The following HTRA4 variants were observed in gnomAD, a reference collection of about 807,000 sequenced individuals.
The protein encoded by HTRA4 is serine protease HTRA4.
HTRA4 carries 46 observed loss-of-function variants against 49.1 expected under a neutral mutation model. That is an observed-to-expected ratio of 0.94 (90% confidence interval 0.74 to 1.20). The LOEUF (loss-of-function observed/expected upper bound fraction) is 1.20, where lower values mean the gene tolerates loss of function less well. Ranked by LOEUF, HTRA4 falls within the 50% of genes most tolerant of loss-of-function variation. The pLI, the probability that HTRA4 is intolerant of heterozygous loss-of-function variation, is 0.00. For synonymous variants in HTRA4, 261 were observed against 264.0 expected, an observed-to-expected ratio of 0.99 and a Z score of 0.11; for missense variants, 602 against 636.9, an observed-to-expected ratio of 0.95 and a Z score of 0.59.
At position 38,974,565 on chromosome 8, in the gene HTRA4, G is replaced by A. The variant is rs1421010634; in HGVS notation, c.302G>A (p.Gly101Glu). The A allele has an allele frequency of 1.4e-6, 2 of 1,411,992 alleles. No individual in the cohort carries two copies. The highest frequency in any genetic ancestry group is 1.5e-5 in the South Asian group (1 of 66,250). 87.5% of individuals were successfully genotyped at this position (1,411,992 alleles called of 1,614,324 possible). The change falls in exon 1 of 9, where the codon GGG becomes GAG. Residue 101 changes from glycine (G) to glutamate (E), a missense_variant. Coordinates refer to ENST00000302495, the MANE Select transcript of HTRA4 (RefSeq NM_153692.4). ...GLQCLQPLRP[G>E]FPSTCGCPTL... ...CAGTGCCTCCAGCCGCTGCGCCCCG[G>A]GTTCCCCAGCACCTGCGGTTGCCCG...
chr8:38,985,466 CTTT>C (rs1431396671), intron 8 of HTRA4, among the ~76,000 whole-genome samples: 1 of 152,102 alleles, frequency 6.6e-6, no homozygotes, highest in Non-Finnish European at 1.5e-5. Context: ...GTCTGTACTT[CTTT>C]ATTATCCCTT....
intron 4 of HTRA4, among the ~76,000 whole-genome samples, chr8:38,978,596 G>C (rs1384710603): frequency 6.6e-6 from 1 of 152,152 alleles, no homozygotes; most frequent in African/African-American, 2.4e-5. Flanking sequence ...GAATCACTGT[G>C]GGAGGAATGG....
intron 8 of HTRA4, among the ~76,000 whole-genome samples, chr8:38,984,789 T>C (rs1835465219): frequency 6.6e-6 from 1 of 151,958 alleles, no homozygotes; most frequent in Non-Finnish European, 1.5e-5. Flanking sequence ...CCAGGTGTGG[T>C]GGTTTGCACC....
intron 6 of HTRA4, 29 bp downstream of exon 6, chr8:38,981,796 TG>T: frequency 3.6e-6 from 5 of 1,405,242 alleles, no homozygotes; most frequent in Non-Finnish European, 5.0e-6. Context: ...TTTTTTTTTT[TG>T]GTTTCGTCTT....
At chr8:38,981,552 G>A in intron 5 of HTRA4, 101 bp from the exon 6 acceptor site, 1 of 772,106 alleles carries the variant, frequency 1.3e-6, no homozygotes, top group Non-Finnish European at 2.2e-6. Flanking sequence ...CCTGTTTTCT[G>A]ACCCTAAGTA....
At chr8:38,984,225 T>C (rs1835457970) in intron 8 of HTRA4, among the ~76,000 whole-genome samples, 2 of 151,618 alleles carry the variant, frequency 1.3e-5, no homozygotes, top group South Asian at 2.1e-4. Flanking sequence ...GGTCTCGAAC[T>C]CCTGACCTCA....
In HTRA4 at chr8:38,974,604, C is replaced by T. The variant is rs1292595133; in HGVS notation, c.341C>T (p.Ala114Val). 22 of 1,426,796 alleles carry T rather than the reference C, an allele frequency of 1.5e-5. No individual in the cohort carries two copies. The highest frequency in any genetic ancestry group is 3.0e-5 in the East Asian group (1 of 33,780). The allele number at this position is 1,426,796 out of a possible 1,614,324, so 88.4% of individuals were successfully genotyped here. The change falls in exon 1 of 9, where the codon GCC becomes GTC. Residue 114 changes from alanine (A) to valine (V), a missense_variant. By Grantham distance (64) the Ala-to-Val change is moderately conservative (BLOSUM62 0). Coordinates refer to ENST00000302495, the MANE Select transcript of HTRA4 (RefSeq NM_153692.4). ...TGCGGTTGCCCGACGCTGGGAGGGG[C>T]CGTGTGCGGCAGCGACAGGCGCACC... ...STCGCPTLGG[A>V]VCGSDRRTYP...
At chr8:38,987,469 C>CG (rs1442789359) in intron 8 of HTRA4, among the ~76,000 whole-genome samples, 13 of 1,786 alleles carry the variant, frequency 7.3e-3, no homozygotes, top group African/African-American at 0.051. Flanking sequence ...TAAGCTGGGG[C>CG]GGGGGGGTGG....
In HTRA4 at chr8:38,974,710, G is replaced by C; in HGVS notation, c.447G>C (p.Trp149Cys). The C allele has an allele frequency of 2.8e-6, 4 of 1,425,820 alleles. No individual in the cohort carries two copies. The highest frequency in any genetic ancestry group is 3.6e-6 in the Non-Finnish European group (4 of 1,099,628). 88.3% of individuals were successfully genotyped at this position (1,425,820 alleles called of 1,614,324 possible). A position where few individuals can be genotyped will look rare whatever the true frequency, so the allele number is the denominator to read the frequency against. ...AGGTCCCGGCCGTGCCTGTGCAGTG[G>C]GGGAACTGCGGGGATACAGGTGAGC... ...LGKVPAVPVQ[W>C]GNCGDTGTRS... Residue 149 changes from tryptophan (W) to cysteine (C), a missense_variant, in exon 1 of 9, where the codon TGG becomes TGC. Trp to Cys is a radical substitution (Grantham distance 215). Coordinates refer to ENST00000302495, the MANE Select transcript of HTRA4 (RefSeq NM_153692.4).
intron 6 of HTRA4, among the ~76,000 whole-genome samples, chr8:38,982,213 T>C (rs572112726): frequency 6.6e-6 from 1 of 152,208 alleles, no homozygotes; most frequent in East Asian, 1.9e-4. Flanking sequence ...CCTATAATGG[T>C]GATTTGAGCA....
Position 38,974,563 on chromosome 8 carries a change from C to A in HTRA4, c.300C>A (p.Pro100=), listed in dbSNP as rs1564173169. The A allele has an allele frequency of 1.4e-6, 2 of 1,406,162 alleles. No homozygotes were observed. Among genetic ancestry groups the A allele is most frequent in the Middle Eastern group, 2.5e-4 (1 of 4,000 alleles). 87.1% of individuals were successfully genotyped at this position (1,406,162 alleles called of 1,614,324 possible). Residue 100 remains proline, a synonymous_variant, in exon 1 of 9, where the codon CCC becomes CCA. Transcript: ENST00000302495. ...TGCAGTGCCTCCAGCCGCTGCGCCC[C>A]GGGTTCCCCAGCACCTGCGGTTGCC... ...PGLQCLQPLR[P]GFPSTCGCPT... is the part of the protein sequence containing the mutation.
Position 38,974,337 on chromosome 8 carries a change from C to T in HTRA4, c.74C>T (p.Pro25Leu). The T allele has an allele frequency of 1.9e-6, 3 of 1,612,302 alleles. No individual in the cohort carries two copies. Among genetic ancestry groups the T allele is most frequent in the Non-Finnish European group, 2.5e-6 (3 of 1,179,636 alleles). ...CCGGGGCTGCTGCTGCTCCTGGTGC[C>T]CGTCCTCTGGGCCGGGGCTGAAAAG... ...LLPGLLLLLV[P>L]VLWAGAEKLH... The change falls in exon 1 of 9, where the codon CCC (proline) becomes CTC (leucine). Residue 25 changes from proline to leucine, a missense_variant. Physicochemically the swap from Pro to Leu is moderately conservative, Grantham distance 98. Transcript: ENST00000302495.
rs995851245 is a variant in HTRA4, at chr8:38,974,507, G to A, written c.244G>A (p.Gly82Arg). ...CPAAEREVCG[G>R]AQGQPCAPGL... ...CGCGGCCGAGCGTGAAGTCTGCGGC[G>A]GGGCGCAGGGCCAACCGTGCGCCCC... The change falls in exon 1 of 9, where the codon GGG becomes AGG. Residue 82 changes from glycine (G) to arginine (R), a missense_variant. By Grantham distance (125) the Gly-to-Arg change is moderately radical. Transcript: ENST00000302495. 4 of 1,488,618 alleles carry A rather than the reference G, an allele frequency of 2.7e-6. No individual in the cohort carries two copies. The Admixed American group carries it at 7.0e-5, about 26-fold the overall frequency. The allele number at this position is 1,488,618 out of a possible 1,614,324, so 92.2% of individuals were successfully genotyped here. A position where few individuals can be genotyped will look rare whatever the true frequency, so the allele number is the denominator to read the frequency against.
At chr8:38,976,406 AAAAAG>A (rs551981892) in intron 2 of HTRA4, 124 bp from the exon 3 acceptor site, 5 of 913,948 alleles carry the variant, frequency 5.5e-6, no homozygotes, top group East Asian at 2.6e-5. Flanking sequence ...TCAAAAAAGA[AAAAAG>A]AAAAGAAAAG....
chr8:38,981,741 C>T lies in HTRA4; in HGVS notation c.1088C>T (p.Ala363Val). 6.2e-7 allele frequency: 1 copy of T among 1,612,470 alleles called. No individual in the cohort carries two copies. The highest frequency in any genetic ancestry group is 8.5e-7 in the Non-Finnish European group (1 of 1,179,180). ...TCAGATCGAGTTAGGCAGTTCTTGGCAGAATACCATGAGCACCAGATGAAA... is the reference window on the plus strand; with the variant it reads ...TCAGATCGAGTTAGGCAGTTCTTGGTAGAATACCATGAGCACCAGATGAAA... The part of the protein sequence containing the change: ...IPSDRVRQFL[A>V]EYHEHQMKGK... The change falls in exon 6 of 9, where the codon GCA (alanine) becomes GTA (valine). Residue 363 changes from alanine (A) to valine (V), a missense_variant. Ala to Val is a moderately conservative substitution (Grantham distance 64). Coordinates refer to ENST00000302495, the MANE Select transcript of HTRA4 (RefSeq NM_153692.4).
intron 8 of HTRA4, among the ~76,000 whole-genome samples, chr8:38,985,767 C>T (rs1020757814): frequency 6.6e-6 from 1 of 152,218 alleles, no homozygotes; most frequent in Non-Finnish European, 1.5e-5. Context: ...ATTAGCTCAG[C>T]TGGGGCTTGT....
intron 1 of HTRA4, 146 bp from the exon 2 acceptor site, chr8:38,974,885 C>T: frequency 8.3e-7 from 1 of 1,207,592 alleles, no homozygotes; most frequent in Non-Finnish European, 1.2e-6. Context: ...TCCTTTCCTC[C>T]TTAACAGGGG....
chr8:38,978,903 G>C (rs1379958777), intron 4 of HTRA4, among the ~76,000 whole-genome samples: 2 of 150,676 alleles, frequency 1.3e-5, no homozygotes, highest in African/African-American at 4.9e-5. Flanking sequence ...GCTGAGGCAG[G>C]AGAATCACTT....
intron 7 of HTRA4, 108 bp downstream of exon 7, chr8:38,982,663 G>A (rs953874932): frequency 1.0e-6 from 1 of 969,318 alleles, no homozygotes; most frequent in Non-Finnish European, 1.6e-6. Flanking sequence ...AGGTACTCTT[G>A]TGACCATAGG....
Sources: gnomAD v4.1 joint callset for allele counts (sites outside exome capture counted in the v4.1 genomes callset) on GRCh38, gnomAD v4.1.1 for gene constraint, MANE v1.5 for transcripts, NCBI Gene and HGNC (gene_info 2026-07-23, HGNC 2026-07-21) for gene names.